The following GNPTAB variants were observed in gnomAD, a reference collection of about 807,000 sequenced individuals.
The protein encoded by GNPTAB is N-acetylglucosamine-1-phosphotransferase subunits alpha/beta.
A neutral mutation model predicts 136.6 loss-of-function variants in GNPTAB; 92 were observed. The ratio of observed to expected loss-of-function variants is 0.67; its 90% CI spans 0.57 to 0.80. The LOEUF (loss-of-function observed/expected upper bound fraction) is 0.80. GNPTAB is among the 30% of genes least tolerant of loss of function. The pLI is 0.00. For missense variants in GNPTAB, 1,343 were observed against 1,501.8 expected (o/e 0.89, Z 1.75); for synonymous variants, 512 against 535.1 (o/e 0.96, Z 0.60).
In GNPTAB at chr12:101,769,993, G is replaced by A. The variant is rs778191253; in HGVS notation, c.1284+28C>T. 3 of 1,608,500 alleles carry A rather than the reference G, an allele frequency of 1.9e-6. No individual in the cohort carries two copies. In the South Asian group the frequency reaches 3.3e-5, roughly 18 times the overall value. On this transcript the variant is annotated intron_variant, in intron 10 of 20. Coordinates refer to ENST00000299314, the MANE Select transcript of GNPTAB (RefSeq NM_024312.5). ...GATTTGCTAAGTGACTTCCACGCTA[G>A]ACAACCCCCCTCCTCTTAGGCACTC...
At chr12:101,782,400 T>G (rs118102940) in intron 5 of GNPTAB, among the ~76,000 whole-genome samples, 2,328 of 152,106 alleles carry the variant, frequency 0.015, 20 homozygotes, top group Non-Finnish European at 0.024. Flanking sequence ...ATTTTTGTGC[T>G]TTTAAACAGA....
intron 1 of GNPTAB, among the ~76,000 whole-genome samples, chr12:101,815,749 AC>A (rs998653037): frequency 2.6e-5 from 4 of 152,208 alleles, no homozygotes; most frequent in African/African-American, 9.6e-5. Context: ...ATCCTGAAAG[AC>A]TGCAAAAAGA....
chr12:101,804,254 A>G (rs78555662), intron 1 of GNPTAB, among the ~76,000 whole-genome samples: 1,765 of 152,086 alleles, frequency 0.012, 20 homozygotes, highest in Non-Finnish European at 0.014. Context: ...TGCTTTGACA[A>G]TGCACTCTAC....
chr12:101,762,752 T>C (rs1953019104), intron 13 of GNPTAB, among the ~76,000 whole-genome samples: 1 of 152,076 alleles, frequency 6.6e-6, no homozygotes, highest in African/African-American at 2.4e-5. Context: ...TTTGCATAGC[T>C]ATAGAAAAAT....
At chr12:101,814,760 A>C (rs1486147930) in intron 1 of GNPTAB, among the ~76,000 whole-genome samples, 1 of 152,176 alleles carries the variant, frequency 6.6e-6, no homozygotes, top group Non-Finnish European at 1.5e-5. Flanking sequence ...ATTTCTCATA[A>C]ATAATAACTA....
chr12:101,812,989 T>G (rs1011923832), intron 1 of GNPTAB, among the ~76,000 whole-genome samples: 16 of 150,956 alleles, frequency 1.1e-4, no homozygotes, highest in African/African-American at 2.4e-4. Context: ...TGTGTGTGTT[T>G]TTTTTTTTTT....
chr12:101,774,664 G>A (rs924313224), intron 7 of GNPTAB, among the ~76,000 whole-genome samples: 1 of 152,056 alleles, frequency 6.6e-6, no homozygotes, highest in African/African-American at 2.4e-5. Context: ...GATTATCAAG[G>A]CAAGATTAGA....
intron 1 of GNPTAB, among the ~76,000 whole-genome samples, chr12:101,812,582 C>T (rs978864644): frequency 1.8e-4 from 25 of 142,838 alleles, no homozygotes; most frequent in African/African-American, 5.2e-4. Flanking sequence ...ATGGTGAGAA[C>T]CCCCCCATCT....
intron 1 of GNPTAB, among the ~76,000 whole-genome samples, chr12:101,811,376 A>C (rs1037509529): frequency 1.2e-4 from 15 of 124,224 alleles, no homozygotes; most frequent in African/African-American, 4.2e-4. Context: ...ATTTCACATA[A>C]TTTTTTCTTT....
intron 3 of GNPTAB, 87 bp from the exon 4 acceptor site, chr12:101,788,676 C>G: frequency 1.3e-6 from 1 of 766,832 alleles, no homozygotes; most frequent in South Asian, 1.4e-5. Context: ...AGAGCATAAA[C>G]TTTCATATTT....
At chr12:101,812,413 T>C (rs1870285392) in intron 1 of GNPTAB, among the ~76,000 whole-genome samples, 1 of 152,052 alleles carries the variant, frequency 6.6e-6, no homozygotes, top group Non-Finnish European at 1.5e-5. Flanking sequence ...GGGACACAAA[T>C]CCAAACCATA....
intron 1 of GNPTAB, among the ~76,000 whole-genome samples, chr12:101,818,159 G>C (rs183716264): frequency 6.6e-6 from 1 of 152,116 alleles, no homozygotes; most frequent in Non-Finnish European, 1.5e-5. Flanking sequence ...TACACCAATG[G>C]CATCTTTTCC....
intron 7 of GNPTAB, among the ~76,000 whole-genome samples, chr12:101,772,435 G>A (rs565259407): frequency 0.021 from 3,224 of 152,314 alleles, 51 homozygotes; most frequent in African/African-American, 0.039. Flanking sequence ...AGAGGTGAGA[G>A]TTAGAAATTT....
chr12:101,763,896 C>A (rs1358333073), intron 13 of GNPTAB, among the ~76,000 whole-genome samples: 1 of 152,178 alleles, frequency 6.6e-6, no homozygotes, highest in Non-Finnish European at 1.5e-5. Flanking sequence ...TCTGAAATGT[C>A]AAGACAAGAC....
chr12:101,815,505 A>C (rs957893259), intron 1 of GNPTAB, among the ~76,000 whole-genome samples: 3 of 152,060 alleles, frequency 2.0e-5, no homozygotes, highest in Non-Finnish European at 2.9e-5. Flanking sequence ...CCAGCTACTC[A>C]GGGGGCTGAT....
chr12:101,820,143 G>C (rs1033447854), intron 1 of GNPTAB, among the ~76,000 whole-genome samples: 8 of 152,174 alleles, frequency 5.3e-5, no homozygotes, highest in Non-Finnish European at 7.3e-5. Flanking sequence ...ACATACATTA[G>C]GCACCTCACT....
chr12:101,821,354 G>A (rs1263236124), intron 1 of GNPTAB, among the ~76,000 whole-genome samples: 1 of 152,202 alleles, frequency 6.6e-6, no homozygotes, highest in African/African-American at 2.4e-5. Context: ...GGGATTTGAA[G>A]ATAAGGAAGA....
intron 2 of GNPTAB, among the ~76,000 whole-genome samples, chr12:101,794,356 A>C (rs1193258550): frequency 6.6e-6 from 1 of 152,118 alleles, no homozygotes; most frequent in Non-Finnish European, 1.5e-5. Context: ...AACCTTAAAA[A>C]GATTTATACT....
At chr12:101,765,816 A>C in intron 12 of GNPTAB, 1 of 428,528 alleles carries the variant, frequency 2.3e-6, no homozygotes, top group South Asian at 2.3e-5. Context: ...TTTTGTTTCC[A>C]AATTAAAACT....
Sources: gnomAD v4.1 joint callset for allele counts (sites outside exome capture counted in the v4.1 genomes callset) on GRCh38, gnomAD v4.1.1 for gene constraint, MANE v1.5 for transcripts, NCBI Gene and HGNC (gene_info 2026-07-23, HGNC 2026-07-21) for gene names.